Variants in MRAP2 observed in about 807,000 individuals in gnomAD.
MRAP2 encodes melanocortin 2 receptor accessory protein 2, also known as melanocortin-2 receptor accessory protein 2.
MRAP2 carries 20 observed loss-of-function variants against 17.4 expected under a neutral mutation model. The ratio of observed to expected loss-of-function variants is 1.15; its 90% confidence interval spans 0.81 to 1.67. The LOEUF is 1.67. Among genes scored for constraint, MRAP2 ranks in the 40% most tolerant of loss-of-function variants. The pLI is 0.00. For synonymous variants in MRAP2, 96 were observed against 88.4 expected (o/e 1.09, Z -0.48); for missense variants, 238 against 240.0 (o/e 0.99, Z 0.05).
At chr6:84,103,900 C>T in the MRAP2 span, among the ~76,000 whole-genome samples, 1 of 152,184 alleles carries the variant, frequency 6.6e-6, no homozygotes, top group Non-Finnish European at 1.5e-5. Context: ...GAATGCATAA[C>T]TTGTATAATT....
In MRAP2 at chr6:84,044,253, C is replaced by T. The variant is rs535586891; in HGVS notation, c.-8+10370C>T. ...CCAGGCTGGAGTGCAATGGCATGATCTCAGCTCACCGCCACCTCCGCCTCC... is the reference window on the plus strand; with the variant it reads ...CCAGGCTGGAGTGCAATGGCATGATTTCAGCTCACCGCCACCTCCGCCTCC... On this transcript the variant is annotated intron_variant, in intron 1 of 3. Transcript: ENST00000257776. Among the ~76,000 whole-genome samples the T allele has an allele frequency of 7.5e-3, 1,147 of 152,312 alleles. 15 individuals carry two copies. The highest frequency in any genetic ancestry group is 0.026 in the African/African-American group (1,096 of 41,568).
the MRAP2 span, among the ~76,000 whole-genome samples, chr6:84,121,044 C>T: frequency 6.6e-5 from 10 of 151,044 alleles, no homozygotes; most frequent in South Asian, 2.1e-4. Context: ...TATATAAATT[C>T]GTTTCACTTG....
intron 2 of MRAP2, among the ~76,000 whole-genome samples, chr6:84,056,512 C>T (rs1468252602): frequency 2.0e-5 from 3 of 152,132 alleles, no homozygotes; most frequent in African/African-American, 7.2e-5. Flanking sequence ...GACATCTGCT[C>T]AGTATTTCTT....
At chr6:84,048,258 T>G (rs1456615422) in intron 1 of MRAP2, among the ~76,000 whole-genome samples, 1 of 152,186 alleles carries the variant, frequency 6.6e-6, no homozygotes, top group East Asian at 1.9e-4. Context: ...GGTTCCAGTT[T>G]CTCTATACCC....
chr6:84,065,439 G>A (rs565988499), intron 3 of MRAP2, among the ~76,000 whole-genome samples: 25 of 152,084 alleles, frequency 1.6e-4, no homozygotes, highest in East Asian at 1.4e-3. Flanking sequence ...GTAAATATTC[G>A]CACATGCTTC....
chr6:84,127,491 C>T, the MRAP2 span, among the ~76,000 whole-genome samples: 1 of 151,960 alleles, frequency 6.6e-6, no homozygotes, highest in Non-Finnish European at 1.5e-5. Flanking sequence ...GCAGAGAGCT[C>T]AGGGAGAGGC....
At chr6:84,080,244 G>A (rs1269505632) in intron 3 of MRAP2, among the ~76,000 whole-genome samples, 1 of 151,780 alleles carries the variant, frequency 6.6e-6, no homozygotes, top group African/African-American at 2.4e-5. Context: ...CACCATTTTA[G>A]CCAGGATGGT....
the MRAP2 span, chr6:84,124,847 T>TA: frequency 7.4e-6 from 4 of 542,258 alleles, no homozygotes; most frequent in Non-Finnish European, 3.2e-6. Flanking sequence ...AAACTGTCCA[T>TA]AAATCACTTA....
intron 3 of MRAP2, among the ~76,000 whole-genome samples, chr6:84,086,727 T>A (rs2099500559): frequency 6.6e-6 from 1 of 152,126 alleles, no homozygotes; most frequent in South Asian, 2.1e-4. Flanking sequence ...CAGGGTAGCC[T>A]CAGGGGGCAG....
chr6:84,053,249 C>G (rs2099490894), intron 1 of MRAP2, among the ~76,000 whole-genome samples: 1 of 152,258 alleles, frequency 6.6e-6, no homozygotes, highest in Non-Finnish European at 1.5e-5. Context: ...AGTTTAGTCC[C>G]TCCCTCTGCT....
chr6:84,089,006 G>A, intron 3 of MRAP2, 85 bp from the exon 4 acceptor site: 1 of 1,456,430 alleles, frequency 6.9e-7, no homozygotes, highest in Non-Finnish European at 9.2e-7. Context: ...GAAATGTGCT[G>A]GCCTGCCCTA....
intron 1 of MRAP2, among the ~76,000 whole-genome samples, chr6:84,034,968 C>A (rs1391590063): frequency 6.6e-6 from 1 of 151,972 alleles, no homozygotes; most frequent in Non-Finnish European, 1.5e-5. Context: ...AGGAGAGTGA[C>A]GAGGGCCTGC....
intron 3 of MRAP2, among the ~76,000 whole-genome samples, chr6:84,072,792 A>T (rs2099496524): frequency 6.6e-6 from 1 of 151,900 alleles, no homozygotes; most frequent in Admixed American, 6.6e-5. Flanking sequence ...AGGTCAATGG[A>T]GTTGTGTACC....
intron 3 of MRAP2, among the ~76,000 whole-genome samples, chr6:84,073,139 T>G (rs531626053): frequency 6.6e-6 from 1 of 152,318 alleles, no homozygotes; most frequent in Admixed American, 6.5e-5. Flanking sequence ...GGAGATTTCC[T>G]TCTCCCTGTG....
chr6:84,035,136 T>A (rs964233103), intron 1 of MRAP2, among the ~76,000 whole-genome samples: 2 of 152,186 alleles, frequency 1.3e-5, no homozygotes, highest in Non-Finnish European at 2.9e-5. Context: ...ATCTTTCTTT[T>A]CAAAGTGAGG....
the MRAP2 span, among the ~76,000 whole-genome samples, chr6:84,116,171 G>C: frequency 6.6e-6 from 1 of 152,114 alleles, no homozygotes; most frequent in South Asian, 2.1e-4. Flanking sequence ...TGTTGAATAG[G>C]AGTGGTGAGA....
chr6:84,034,297 C>G (rs1335490447), intron 1 of MRAP2, among the ~76,000 whole-genome samples: 2 of 152,054 alleles, frequency 1.3e-5, no homozygotes, highest in African/African-American at 4.8e-5. Context: ...AGAGAGCCCC[C>G]CTGGGCTGGG....
the MRAP2 span, among the ~76,000 whole-genome samples, chr6:84,096,404 T>G: frequency 1.7e-3 from 252 of 152,270 alleles, no homozygotes; most frequent in African/African-American, 5.8e-3. Flanking sequence ...AACACCTCAT[T>G]AGATAGCAGA....
At chr6:84,137,953 G>A in the MRAP2 span, among the ~76,000 whole-genome samples, 2 of 152,116 alleles carry the variant, frequency 1.3e-5, no homozygotes, top group African/African-American at 4.8e-5. Context: ...AAATATTTTA[G>A]GTAACAAAGG....
Sources: gnomAD v4.1 joint callset for allele counts (sites outside exome capture counted in the v4.1 genomes callset) on GRCh38, gnomAD v4.1.1 for gene constraint, MANE v1.5 for transcripts, NCBI Gene and HGNC (gene_info 2026-07-23, HGNC 2026-07-21) for gene names.